EXOSC1: variants seen among roughly 807,000 people sequenced by gnomAD.
EXOSC1 encodes exosome complex component CSL4.
EXOSC1 carries 27 observed loss-of-function variants against 31.4 expected under a neutral mutation model. The observed-to-expected ratio is 0.86, with a 90% CI of 0.63 to 1.18. The LOEUF is 1.18. Among genes scored for constraint, EXOSC1 ranks in the 50% most tolerant of loss-of-function variants. EXOSC1 has a pLI of 0.00. For missense variants in EXOSC1, 228 were observed against 250.3 expected, an observed-to-expected ratio of 0.91 and a Z score of 0.60; for synonymous variants, 84 against 89.5, an observed-to-expected ratio of 0.94 and a Z score of 0.35.
chr10:97,442,524 A>ATTTT (rs901254262), intron 3 of EXOSC1, among the ~76,000 whole-genome samples: 2 of 151,980 alleles, frequency 1.3e-5, no homozygotes, highest in Non-Finnish European at 2.9e-5. Flanking sequence ...AATCAATTTT[A>ATTTT]TTTTTTTCTT....
chr10:97,445,649 C>T (rs1845934057), intron 2 of EXOSC1, 83 bp downstream of exon 2: 1 of 1,300,178 alleles, frequency 7.7e-7, no homozygotes, highest in East Asian at 2.4e-5. Context: ...AAAGACGCGT[C>T]CGCAGTGCCC....
chr10:97,437,787 T>C, intron 5 of EXOSC1, 37 bp from the exon 6 acceptor site: 2 of 1,570,382 alleles, frequency 1.3e-6, no homozygotes, highest in Non-Finnish European at 8.8e-7. Context: ...GTGAAAGCTC[T>C]AGACTGGGTC....
At chr10:97,439,875 G>A (rs1845660534) in intron 4 of EXOSC1, among the ~76,000 whole-genome samples, 1 of 151,902 alleles carries the variant, frequency 6.6e-6, no homozygotes. Flanking sequence ...GAAGCCACAC[G>A]AAATCACCAT....
chr10:97,441,091 G>T, intron 4 of EXOSC1, 80 bp downstream of exon 4: 1 of 1,143,244 alleles, frequency 8.7e-7, no homozygotes, highest in African/African-American at 1.6e-5. Context: ...AATTGTAACT[G>T]TTGCTCAAAA....
chr10:97,442,691 C>G lies in EXOSC1; in HGVS notation c.222+546G>C, dbSNP rs140454169. Among the ~76,000 whole-genome samples, 820 of 152,012 alleles carry G rather than the reference C, an allele frequency of 5.4e-3. 8 individuals are homozygous for G. Among genetic ancestry groups the G allele is most frequent in the African/African-American group, 0.019 (785 of 41,490 alleles). On this transcript the variant is annotated intron_variant, in intron 3 of 7. Coordinates refer to ENST00000370902, the MANE Select transcript of EXOSC1 (RefSeq NM_016046.5). ...GCCTGGCTAATTTTTTATTCTTCTTCTTCTTTTTTTTTGAGACGGAGTCTC... is the reference window on the plus strand; with the variant it reads ...GCCTGGCTAATTTTTTATTCTTCTTGTTCTTTTTTTTTGAGACGGAGTCTC...
chr10:97,445,789 G>A lies in EXOSC1; in HGVS notation c.90C>T (p.His30=). Residue 30 remains histidine, a synonymous_variant, in exon 2 of 8, where the codon CAC becomes CAT. Transcript: ENST00000370902. ...GSPGSGTYTR[H]GYIFSSLAGC... ...CGGCAAGCGACGAAAAGATGTAGCC[G>A]TGGCGGGTGTAGGTGCCGCTGCCCG... 6.2e-7 allele frequency: 1 copy of A among 1,613,924 alleles called. No homozygotes were observed. Among genetic ancestry groups the A allele is most frequent in the Non-Finnish European group, 8.5e-7 (1 of 1,179,910 alleles).
chr10:97,441,171 C>T lies in EXOSC1; in HGVS notation c.311G>A (p.Arg104His), dbSNP rs143383900. 1.6e-5 allele frequency: 25 copies of T among 1,612,716 alleles called. No homozygotes were observed. Among genetic ancestry groups the T allele is most frequent in the East Asian group, 1.1e-4 (5 of 44,864 alleles). The change falls in exon 4 of 8, where the codon CGC becomes CAC. Residue 104 changes from arginine (R) to histidine (H), a missense_variant and splice_region_variant. Arg to His is a conservative substitution (Grantham distance 29, BLOSUM62 0). Transcript: ENST00000370902. ...TATATGTGAAAAGGATACTTCTTAC[C>T]GGATAGTTCCTCGAAAAGAGTTCTT... is the stretch of plus-strand genomic sequence containing the variant. Reference protein sequence around the residue: ...PLKNSFRGTIRKEDVRATEKD... With the variant: ...PLKNSFRGTIHKEDVRATEKD...
chr10:97,441,059 A>G (rs1845698566), intron 4 of EXOSC1, 112 bp downstream of exon 4: 6 of 833,276 alleles, frequency 7.2e-6, no homozygotes, highest in Non-Finnish European at 1.1e-5. Context: ...GAAGAAAGAA[A>G]AACGGGCAAA....
chr10:97,438,992 T>C (rs1265265992), intron 4 of EXOSC1, among the ~76,000 whole-genome samples: 2 of 152,136 alleles, frequency 1.3e-5, no homozygotes, highest in African/African-American at 4.8e-5. Context: ...CCTCAGGTGA[T>C]CCACCCGCCT....
chr10:97,438,040 C>T (rs1845599435), intron 5 of EXOSC1, among the ~76,000 whole-genome samples: 2 of 152,050 alleles, frequency 1.3e-5, no homozygotes, highest in African/African-American at 4.8e-5. Flanking sequence ...CTGCCTCAGC[C>T]TCCTGAGTAG....
intron 6 of EXOSC1, 92 bp from the exon 7 acceptor site, chr10:97,437,367 C>G (rs1437035035): frequency 3.3e-5 from 31 of 928,516 alleles, no homozygotes; most frequent in Non-Finnish European, 4.7e-5. Context: ...TTTTTTTTTT[C>G]TGAGATGGAG....
At chr10:97,437,869 CTCATG>C (rs1436821875) in intron 5 of EXOSC1, 119 bp from the exon 6 acceptor site, 3 of 827,796 alleles carry the variant, frequency 3.6e-6, no homozygotes, top group African/African-American at 3.5e-5. Context: ...ATCATCATTA[CTCATG>C]TCAAGTCAAG....
intron 2 of EXOSC1, chr10:97,444,426 C>T (rs1845822307): frequency 6.6e-6 from 1 of 152,238 alleles, no homozygotes; most frequent in Non-Finnish European, 1.5e-5. Flanking sequence ...TCTCTCCACC[C>T]ACCTGACTCT....
intron 4 of EXOSC1, 47 bp from the exon 5 acceptor site, chr10:97,438,750 ATTTT>A (rs11316935): frequency 2.7e-3 from 2,708 of 990,768 alleles, no homozygotes; most frequent in South Asian, 3.5e-3. Context: ...GTGAGAAAGA[ATTTT>A]TTTTTTTTTT....
At chr10:97,441,691 T>C (rs918424916) in intron 3 of EXOSC1, among the ~76,000 whole-genome samples, 3 of 151,278 alleles carry the variant, frequency 2.0e-5, no homozygotes, top group Non-Finnish European at 3.0e-5. Flanking sequence ...GGTTTCTCCA[T>C]GTTGGTCAGG....
In EXOSC1 at chr10:97,436,129, A is replaced by G. The variant is rs1845526354; in HGVS notation, c.*316T>C. On this transcript the variant is annotated 3_prime_UTR_variant, in exon 8 of 8. Transcript: ENST00000370902. Reference sequence around the variant, plus strand: ...GATGTCTTTCTCTGCTTAAGACAACAGACTCTATAACATCCTTTTAGTAAA... The same window carrying G: ...GATGTCTTTCTCTGCTTAAGACAACGGACTCTATAACATCCTTTTAGTAAA... 1.7e-5 allele frequency: 5 copies of G among 297,074 alleles called. No individual in the cohort carries two copies. The Admixed American group carries it at 2.8e-4, about 17-fold the overall frequency. The allele number at this position is 297,074 out of a possible 1,614,324, so 18.4% of individuals were successfully genotyped here.
intron 2 of EXOSC1, 87 bp from the exon 3 acceptor site, chr10:97,443,398 T>G: frequency 1.7e-6 from 2 of 1,178,198 alleles, no homozygotes; most frequent in Non-Finnish European, 2.5e-6. Context: ...TAGGAATGTC[T>G]TGGTATAAAG....
Position 97,443,259 on chromosome 10 carries a change from A to G in EXOSC1, c.200T>C (p.Val67Ala). 1.2e-6 allele frequency: 2 copies of G among 1,614,148 alleles called. 1 individual carries two copies. Among genetic ancestry groups the G allele is most frequent in the Middle Eastern group, 3.3e-4 (2 of 6,060 alleles). Residue 67 changes from valine (V) to alanine (A), a missense_variant, in exon 3 of 8, where the codon GTG (valine) becomes GCG (alanine). Physicochemically the swap from Val to Ala is moderately conservative, Grantham distance 64. Coordinates refer to ENST00000370902, the MANE Select transcript of EXOSC1 (RefSeq NM_016046.5). ...TACCTTACAGGTTACAATAGCTCCC[A>G]CATCTGGCAGTAACTGGGACTCTGT... ...RETESQLLPD[V>A]GAIVTCKVSS...
intron 2 of EXOSC1, 50 bp downstream of exon 2, chr10:97,445,682 G>C (rs769551517): frequency 1.9e-6 from 3 of 1,568,586 alleles, no homozygotes; most frequent in African/African-American, 1.3e-5. Flanking sequence ...TGGAACTCAA[G>C]GGCAGCCTAA....
Sources: gnomAD v4.1 joint callset for allele counts (sites outside exome capture counted in the v4.1 genomes callset) on GRCh38, gnomAD v4.1.1 for gene constraint, MANE v1.5 for transcripts, NCBI Gene and HGNC (gene_info 2026-07-23, HGNC 2026-07-21) for gene names.